FAM98B: variants seen among roughly 807,000 people sequenced by gnomAD.
The protein encoded by FAM98B is tRNA splicing ligase complex subunit 3B, also known as tRNA-splicing ligase complex subunit FAM98B.
FAM98B carries 32 observed loss-of-function variants against 43.9 expected under a neutral mutation model. The ratio of observed to expected loss-of-function variants is 0.73; its 90% CI spans 0.55 to 0.98. The LOEUF (loss-of-function observed/expected upper bound fraction) is 0.98, where lower values mean the gene tolerates loss of function less well. Among genes scored for constraint, FAM98B ranks in the 50% least tolerant of loss-of-function variants. The pLI, the probability that FAM98B is intolerant of heterozygous loss-of-function variation, is 0.00. For synonymous variants in FAM98B, 190 were observed against 174.0 expected (o/e 1.09, Z -0.72); for missense variants, 514 against 522.9 (o/e 0.98, Z 0.17).
At chr15:38,471,049 G>A (rs1487626890) in intron 4 of FAM98B, among the ~76,000 whole-genome samples, 1 of 151,388 alleles carries the variant, frequency 6.6e-6, no homozygotes, top group African/African-American at 2.4e-5. Flanking sequence ...CCTAGTTCCT[G>A]GGTTTCATTT....
chr15:38,484,924 T>C lies in FAM98B; in HGVS notation c.*265T>C. 2.6e-6 allele frequency: 1 copy of C among 379,882 alleles called. No homozygotes were observed. The highest frequency in any genetic ancestry group is 4.9e-5 in the Admixed American group (1 of 20,216). The allele number at this position is 379,882 out of a possible 1,614,324, so 23.5% of individuals were successfully genotyped here. A position where few individuals can be genotyped will look rare whatever the true frequency, so the allele number is the denominator to read the frequency against. On this transcript the variant is annotated 3_prime_UTR_variant, in exon 8 of 8. Coordinates refer to ENST00000397609, the MANE Select transcript of FAM98B (RefSeq NM_173611.4). ...AAACAAAAAAAAGAACAAAAATTAT[T>C]TTTTAAAATGTAAATATTTATTACC...
chr15:38,468,155 A>G (rs1890067926), intron 3 of FAM98B, among the ~76,000 whole-genome samples: 1 of 152,232 alleles, frequency 6.6e-6, no homozygotes, highest in Non-Finnish European at 1.5e-5. Flanking sequence ...GCATGTTTCC[A>G]TAGAGCAAAA....
rs1295685826 is a variant in FAM98B, at chr15:38,484,278, C to T, written c.921C>T (p.Asp307=). 5.2e-6 allele frequency: 8 copies of T among 1,550,118 alleles called. No homozygotes were observed. The highest frequency in any genetic ancestry group is 6.1e-6 in the Non-Finnish European group (7 of 1,147,212). Residue 307 remains aspartate, a synonymous_variant, in exon 8 of 8, where the codon GAC becomes GAT. Coordinates refer to ENST00000397609, the MANE Select transcript of FAM98B (RefSeq NM_173611.4). ...AGGTGCTGATGGGAAGGGTGCCTGACAGGGGAGGCCGGCCGAATGAAATTG... is the reference window on the plus strand; with the variant it reads ...AGGTGCTGATGGGAAGGGTGCCTGATAGGGGAGGCCGGCCGAATGAAATTG... ...INKVLMGRVP[D]RGGRPNEIEP... is the part of the protein sequence containing the mutation.
At position 38,470,401 on chromosome 15, in the gene FAM98B, C is replaced by A; in HGVS notation, c.527C>A (p.Ser176Ter). The A allele has an allele frequency of 6.3e-7, 1 of 1,589,508 alleles. No individual in the cohort carries two copies. The highest frequency in any genetic ancestry group is 1.2e-5 in the South Asian group (1 of 85,182). The change falls in exon 4 of 8, where the codon TCA becomes TAA. Residue 176 changes from serine to a stop codon, truncating the protein, a stop_gained. Transcript: ENST00000397609. LOFTEE classifies it high-confidence loss of function. ...DIPHMLNQVE[S>*]KVKDILSKVQ... The stretch of plus-strand genomic sequence containing the variant: ...CCGCATATGCTAAACCAAGTGGAAT[C>A]AAAGGTATTATCTTTGTTTTATTTT...
At chr15:38,473,440 A>G (rs1405610430) in intron 4 of FAM98B, 65 bp from the exon 5 acceptor site, 2 of 1,191,156 alleles carry the variant, frequency 1.7e-6, no homozygotes, top group Non-Finnish European at 1.2e-6. Context: ...GATACTTTAA[A>G]CAAGCATAAG....
chr15:38,471,184 C>G (rs929507778), intron 4 of FAM98B, among the ~76,000 whole-genome samples: 1 of 151,962 alleles, frequency 6.6e-6, no homozygotes, highest in Non-Finnish European at 1.5e-5. Context: ...AAATTAAATC[C>G]TTGTTCAGTA....
At chr15:38,481,986 G>A (rs1314124095) in intron 7 of FAM98B, 2 of 172,146 alleles carry the variant, frequency 1.2e-5, no homozygotes, top group Non-Finnish European at 2.5e-5. Context: ...AGCTCAAGGA[G>A]TCTGAATTTT....
In FAM98B at chr15:38,484,794, G is replaced by T; in HGVS notation, c.*135G>T. The stretch of plus-strand genomic sequence containing the variant: ...CCCTGGTGATACCACTCTTGAATTG[G>T]TTAATATGTAAGAACATTGTTTTTT... On this transcript the variant is annotated 3_prime_UTR_variant, in exon 8 of 8. Coordinates refer to ENST00000397609, the MANE Select transcript of FAM98B (RefSeq NM_173611.4). The T allele has an allele frequency of 7.6e-7, 1 of 1,324,270 alleles. No homozygotes were observed. Among genetic ancestry groups the T allele is most frequent in the Non-Finnish European group, 9.8e-7 (1 of 1,018,868 alleles). 82.0% of individuals were successfully genotyped at this position (1,324,270 alleles called of 1,614,324 possible).
chr15:38,480,892 TA>T (rs201144740), intron 6 of FAM98B, among the ~76,000 whole-genome samples: 1,738 of 152,252 alleles, frequency 0.011, 20 homozygotes, highest in Non-Finnish European at 0.019. Flanking sequence ...AAACTGACAA[TA>T]ATACTTAATG....
In FAM98B at chr15:38,454,170, G is replaced by A. The variant is rs1184034782; in HGVS notation, c.9G>A (p.Gly3=). MR[G]PEPGPQPTME... ...CTCTGGGCCAAAGGACCATGAGAGG[G>A]CCGGAGCCGGGTCCCCAACCGACGA... Residue 3 remains glycine (G), a synonymous_variant, in exon 1 of 8, where the codon GGG becomes GGA. Transcript: ENST00000397609. 6.3e-7 allele frequency: 1 copy of A among 1,598,558 alleles called. No individual in the cohort carries two copies. Among genetic ancestry groups the A allele is most frequent in the Non-Finnish European group, 8.5e-7 (1 of 1,174,134 alleles).
chr15:38,484,354 G>A lies in FAM98B; in HGVS notation c.997G>A (p.Gly333Ser), dbSNP rs368060209. The change falls in exon 8 of 8, where the codon GGT becomes AGT. Residue 333 changes from glycine to serine, a missense_variant. Coordinates refer to ENST00000397609, the MANE Select transcript of FAM98B (RefSeq NM_173611.4). ...PPWQKRQEGGGGRGGWGGGGG... is the reference protein window; with the variant it reads ...PPWQKRQEGGSGRGGWGGGGG... Reference sequence around the variant, plus strand: ...TTGGCAAAAGAGACAAGAAGGCGGCGGTGGAAGGGGTGGTTGGGGTGGTGG... The same window carrying A: ...TTGGCAAAAGAGACAAGAAGGCGGCAGTGGAAGGGGTGGTTGGGGTGGTGG... 18 of 1,533,940 alleles carry A rather than the reference G, an allele frequency of 1.2e-5. 1 individual carries two copies. The highest frequency in any genetic ancestry group is 4.5e-4 in the Middle Eastern group (2 of 4,468).
chr15:38,484,305 A>C lies in FAM98B; in HGVS notation c.948A>C (p.Glu316Asp). 1.3e-6 allele frequency: 2 copies of C among 1,547,730 alleles called. No individual in the cohort carries two copies. Among genetic ancestry groups the C allele is most frequent in the Non-Finnish European group, 1.7e-6 (2 of 1,146,338 alleles). Residue 316 changes from glutamate (E) to aspartate (D), a missense_variant, in exon 8 of 8, where the codon GAA becomes GAC. By Grantham distance (45) the Glu-to-Asp change is conservative (BLOSUM62 2). Around this residue, in one of 2 missense-constraint regions of FAM98B, gnomAD observed 469 missense variants for 451.8 expected, o/e 1.04. Transcript: ENST00000397609. ...GGGGAGGCCGGCCGAATGAAATTGA[A>C]CCACCACCTCCAGAAATGCCCCCTT... ...PDRGGRPNEI[E>D]PPPPEMPPWQ...
intron 6 of FAM98B, among the ~76,000 whole-genome samples, chr15:38,476,778 C>T (rs1344561692): frequency 6.7e-6 from 1 of 149,706 alleles, no homozygotes; most frequent in African/African-American, 2.5e-5. Flanking sequence ...CTTGGTCTCT[C>T]CCATGTCGGT....
At chr15:38,465,077 G>A (rs1478412178) in intron 2 of FAM98B, among the ~76,000 whole-genome samples, 192 bp from the exon 3 acceptor site, 1 of 152,194 alleles carries the variant, frequency 6.6e-6, no homozygotes, top group Non-Finnish European at 1.5e-5. Flanking sequence ...GCTCTGAAGT[G>A]AATTAATAAT....
At chr15:38,466,845 T>C (rs1366481935) in intron 3 of FAM98B, among the ~76,000 whole-genome samples, 2 of 152,134 alleles carry the variant, frequency 1.3e-5, no homozygotes, top group African/African-American at 4.8e-5. Flanking sequence ...GAATATTGTG[T>C]CTCTGTTTTC....
At chr15:38,459,864 T>G (rs1027570120) in intron 1 of FAM98B, among the ~76,000 whole-genome samples, 1 of 152,180 alleles carries the variant, frequency 6.6e-6, no homozygotes, top group Non-Finnish European at 1.5e-5. Flanking sequence ...ATGGACAGTA[T>G]AGCAAAATAT....
intron 1 of FAM98B, among the ~76,000 whole-genome samples, chr15:38,456,115 G>A (rs996913755): frequency 6.6e-6 from 1 of 152,156 alleles, no homozygotes; most frequent in Non-Finnish European, 1.5e-5. Context: ...TTAATGGGAG[G>A]CATTTGAAGG....
intron 1 of FAM98B, among the ~76,000 whole-genome samples, chr15:38,461,571 C>T (rs931644722): frequency 1.3e-5 from 2 of 151,758 alleles, no homozygotes; most frequent in Non-Finnish European, 2.9e-5. Flanking sequence ...TAGCACTGTG[C>T]CTGGCCTGCT....
rs1261713229 is a variant in FAM98B at position 38,486,045 on chromosome 15, T to G, written c.*1386T>G. The G allele has an allele frequency of 6.6e-6, 1 of 151,580 alleles. No individual in the cohort carries two copies. The highest frequency in any genetic ancestry group is 2.4e-5 in the African/African-American group (1 of 40,944). 9.4% of individuals were successfully genotyped at this position (151,580 alleles called of 1,614,324 possible). On this transcript the variant is annotated 3_prime_UTR_variant, in exon 8 of 8. Coordinates refer to ENST00000397609, the MANE Select transcript of FAM98B (RefSeq NM_173611.4). Reference sequence around the variant, plus strand: ...CAAGTGGTATTTGATGTTTAGCAGGTTTTTTTGTTGTTATTTTTTTGGTAA... The same window carrying G: ...CAAGTGGTATTTGATGTTTAGCAGGGTTTTTTGTTGTTATTTTTTTGGTAA...
Sources: gnomAD v4.1 joint callset for allele counts (sites outside exome capture counted in the v4.1 genomes callset) on GRCh38, gnomAD v4.1.1 for gene constraint, gnomAD v4.1.1 regional missense constraint, MANE v1.5 for transcripts, NCBI Gene and HGNC (gene_info 2026-07-23, HGNC 2026-07-21) for gene names.